KCNN2: variants seen among roughly 807,000 people sequenced by gnomAD.
KCNN2 encodes the protein small conductance calcium-activated potassium channel protein 2.
In KCNN2, 24 loss-of-function variants were observed where a neutral mutation model predicts 55.5. The observed-to-expected ratio is 0.43, with a 90% confidence interval of 0.31 to 0.61. KCNN2 has a LOEUF of 0.61. KCNN2 is among the 20% of genes least tolerant of loss of function. The pLI is 0.08. For missense variants in KCNN2, 754 were observed against 853.6 expected (o/e 0.88, Z 1.45); for synonymous variants, 431 against 336.1 (o/e 1.28, Z -3.09).
At chr5:114,101,135 T>C (rs781605135) in intron 1 of KCNN2, among the ~76,000 whole-genome samples, 3 of 152,042 alleles carry the variant, frequency 2.0e-5, no homozygotes, top group Non-Finnish European at 2.9e-5. Context: ...GGTACATGTT[T>C]ACATTTTTTG....
At chr5:114,286,472 T>G (rs1348933842) in intron 2 of KCNN2, among the ~76,000 whole-genome samples, 2 of 152,092 alleles carry the variant, frequency 1.3e-5, no homozygotes, top group Non-Finnish European at 2.9e-5. Flanking sequence ...CCAGAGAAGT[T>G]AAGAAGAATG....
intron 2 of KCNN2, among the ~76,000 whole-genome samples, chr5:114,231,646 A>C (rs1004431543): frequency 6.6e-6 from 1 of 151,176 alleles, no homozygotes; most frequent in Non-Finnish European, 1.5e-5. Flanking sequence ...TTTTACTTCT[A>C]AGATTTTTCT....
At chr5:114,188,707 T>C (rs749740017) in intron 1 of KCNN2, among the ~76,000 whole-genome samples, 1 of 147,288 alleles carries the variant, frequency 6.8e-6, no homozygotes. Context: ...TAAAATCTTT[T>C]TCATAATAGT....
rs74838750 is a variant in KCNN2, at chr5:114,494,906, A to G, written c.2089-989A>G. 4.5e-3 allele frequency among the ~76,000 whole-genome samples: 680 copies of G among 152,280 alleles called. 8 individuals carry two copies. The highest frequency in any genetic ancestry group is 0.016 in the African/African-American group (661 of 41,558). On this transcript the variant is annotated intron_variant, in intron 7 of 7. Transcript: ENST00000673685. The stretch of plus-strand genomic sequence containing the variant: ...CTTTAAAAGATTGTTAAGCAGAAGA[A>G]GAGCATATGATAGAAGGGAAATGCA...
chr5:114,223,475 T>C (rs1006277609), intron 2 of KCNN2, among the ~76,000 whole-genome samples: 2 of 152,200 alleles, frequency 1.3e-5, no homozygotes, highest in African/African-American at 4.8e-5. Flanking sequence ...ATGATGATCA[T>C]TTTCACATTT....
rs760430454 is a variant in KCNN2 at position 114,404,844 on chromosome 5, G to A, written c.1625G>A (p.Arg542Gln). ...TGGATAATTGCCGCATGGACTGTCC[G>A]AGCTTGTGAAAGGTAAGTTTGTTTC... is the stretch of plus-strand genomic sequence containing the variant. ...SLWIIAAWTV[R>Q]ACERYHDQQD... The change falls in exon 3 of 8, where the codon CGA becomes CAA. Residue 542 changes from arginine (R) to glutamine (Q), a missense_variant. By Grantham distance (43) the Arg-to-Gln change is conservative. Coordinates refer to ENST00000673685, the MANE Select transcript of KCNN2 (RefSeq NM_021614.4). 2 of 1,604,890 alleles carry A rather than the reference G, an allele frequency of 1.2e-6. No individual in the cohort carries two copies. Among genetic ancestry groups the A allele is most frequent in the Non-Finnish European group, 1.7e-6 (2 of 1,173,398 alleles).
intron 1 of KCNN2, among the ~76,000 whole-genome samples, chr5:114,216,206 C>G (rs1381694453): frequency 6.6e-6 from 1 of 152,074 alleles, no homozygotes; most frequent in Non-Finnish European, 1.5e-5. Flanking sequence ...ATTTCAACAA[C>G]ATGAGAAACA....
chr5:114,255,011 G>A (rs543522849), intron 2 of KCNN2, among the ~76,000 whole-genome samples: 72 of 152,038 alleles, frequency 4.7e-4, no homozygotes, highest in Non-Finnish European at 8.2e-4. Flanking sequence ...ATTTTTTGAT[G>A]CACCAAAAAT....
intron 2 of KCNN2, among the ~76,000 whole-genome samples, chr5:114,366,956 C>A (rs1375884125): frequency 6.6e-6 from 1 of 152,058 alleles, no homozygotes; most frequent in Non-Finnish European, 1.5e-5. Context: ...AGTAAAAGCT[C>A]GCCAGTGCAG....
chr5:114,464,728 T>G (rs1247905737), intron 4 of KCNN2, among the ~76,000 whole-genome samples: 1 of 152,102 alleles, frequency 6.6e-6, no homozygotes, highest in Non-Finnish European at 1.5e-5. Context: ...AAGTCCCAAT[T>G]GTAGAAAATA....
intron 1 of KCNN2, among the ~76,000 whole-genome samples, chr5:114,070,130 T>C: frequency 6.6e-6 from 1 of 152,200 alleles, no homozygotes; most frequent in East Asian, 1.9e-4. Flanking sequence ...GACCATTGCT[T>C]TTCCCCTATC....
rs560604792 is a variant in KCNN2 at position 114,467,215 on chromosome 5, C to T, written c.1779+4025C>T. Among the ~76,000 whole-genome samples, 3 of 152,220 alleles carry T rather than the reference C, an allele frequency of 2.0e-5. No homozygotes were observed. The South Asian group carries it at 6.2e-4, about 32-fold the overall frequency. ...GGTGTTCCAAAACAGCACGAATTAG[C>T]TAGAGCTCATAAAAAAGAAGTGATT... On this transcript the variant is annotated intron_variant, in intron 4 of 7. Coordinates refer to ENST00000673685, the MANE Select transcript of KCNN2 (RefSeq NM_021614.4).
intron 1 of KCNN2, among the ~76,000 whole-genome samples, chr5:114,064,931 C>T (rs1750414191): frequency 6.6e-6 from 1 of 152,176 alleles, no homozygotes; most frequent in Non-Finnish European, 1.5e-5. Context: ...GAGCCCAAGG[C>T]ACAATGCTTA....
intron 2 of KCNN2, among the ~76,000 whole-genome samples, chr5:114,291,298 C>A (rs1341019775): frequency 6.6e-6 from 1 of 152,024 alleles, no homozygotes; most frequent in African/African-American, 2.4e-5. Flanking sequence ...ATTAACTCAT[C>A]ATTTAGCATT....
At chr5:114,287,323 C>T (rs894339842) in intron 2 of KCNN2, among the ~76,000 whole-genome samples, 1 of 152,132 alleles carries the variant, frequency 6.6e-6, no homozygotes, top group Non-Finnish European at 1.5e-5. Context: ...GCACTATTTA[C>T]AATAGCAAAG....
intron 1 of KCNN2, among the ~76,000 whole-genome samples, chr5:114,125,541 AT>A (rs1483787298): frequency 2.0e-5 from 3 of 152,170 alleles, no homozygotes; most frequent in Admixed American, 2.0e-4. Flanking sequence ...CCTAAAAAAA[AT>A]CTATTCTCCC....
chr5:114,114,736 T>A (rs1447867508), intron 1 of KCNN2, among the ~76,000 whole-genome samples: 1 of 152,124 alleles, frequency 6.6e-6, no homozygotes. Flanking sequence ...TTCTAATCAA[T>A]CATCTAATCA....
chr5:114,140,054 A>AT (rs573113267), intron 1 of KCNN2, among the ~76,000 whole-genome samples: 3 of 152,078 alleles, frequency 2.0e-5, no homozygotes, highest in Admixed American at 1.3e-4. Context: ...CAAGTCAATT[A>AT]TTTTTTATAT....
chr5:114,232,926 T>TTTTTTG (rs1491537506), intron 2 of KCNN2, among the ~76,000 whole-genome samples: 776 of 13,810 alleles, frequency 0.056, 98 homozygotes, highest in African/African-American at 0.1. Context: ...TTGTTTCTTG[T>TTTTTTG]TTTTTTTTTT....
Sources: allele counts gnomAD v4.1 joint callset (sites outside exome capture counted in the v4.1 genomes callset), GRCh38; gene constraint gnomAD v4.1.1; transcripts MANE v1.5; gene names NCBI Gene and HGNC (gene_info 2026-07-23, HGNC 2026-07-21).